CLEC2L: variants seen among roughly 807,000 people sequenced by gnomAD.
CLEC2L encodes the protein C-type lectin domain family 2 member L.
CLEC2L carries 14 observed loss-of-function variants against 23.6 expected under a neutral mutation model. That is an observed-to-expected ratio of 0.59 (90% CI 0.39 to 0.93). The LOEUF is 0.93. CLEC2L is among the 40% of genes least tolerant of loss of function. CLEC2L has a pLI of 0.00. For missense variants in CLEC2L, 264 were observed against 282.4 expected, an observed-to-expected ratio of 0.93 and a Z score of 0.47; for synonymous variants, 114 against 121.3, an observed-to-expected ratio of 0.94 and a Z score of 0.40.
chr7:139,542,976 G>T (rs1410913189), intron 4 of CLEC2L, among the ~76,000 whole-genome samples: 4 of 152,128 alleles, frequency 2.6e-5, no homozygotes, highest in Non-Finnish European at 5.9e-5. Flanking sequence ...GGAGGGCATG[G>T]GGTGGGGTGG....
chr7:139,542,067 G>A lies in CLEC2L; in HGVS notation c.479G>A (p.Arg160His), dbSNP rs766831853. The stretch of plus-strand genomic sequence containing the variant: ...CGGAGGGAGCCCTGGATTGGACTAC[G>A]CAGAGTTGGGGACGAATTCCACTGG... Reference protein sequence around the residue: ...FTRREPWIGLRRVGDEFHWVN... With the variant: ...FTRREPWIGLHRVGDEFHWVN... Residue 160 changes from arginine to histidine, a missense_variant, in exon 4 of 5, where the codon CGC becomes CAC. Coordinates refer to ENST00000422142, the MANE Select transcript of CLEC2L (RefSeq NM_001080511.4). 1.9e-6 allele frequency: 3 copies of A among 1,613,074 alleles called. No homozygotes were observed. The highest frequency in any genetic ancestry group is 1.7e-4 in the Middle Eastern group (1 of 6,060).
chr7:139,527,580 AG>A (rs1797522726), intron 1 of CLEC2L, among the ~76,000 whole-genome samples: 1 of 152,158 alleles, frequency 6.6e-6, no homozygotes, highest in Non-Finnish European at 1.5e-5. Context: ...CTGGGGTATA[AG>A]GCTAGAAAAG....
At chr7:139,544,132 G>A (rs1797774711) in intron 4 of CLEC2L, 99 bp from the exon 5 acceptor site, 1 of 775,662 alleles carries the variant, frequency 1.3e-6, no homozygotes. Context: ...ATGAAGTGAG[G>A]GAGGGATAGG....
intron 2 of CLEC2L, among the ~76,000 whole-genome samples, chr7:139,537,372 C>G (rs1797674315): frequency 6.6e-6 from 1 of 150,426 alleles, no homozygotes; most frequent in Non-Finnish European, 1.5e-5. Context: ...ATAAGTGAAA[C>G]TCAAAGAAGA....
chr7:139,538,108 A>G (rs1350383484), intron 2 of CLEC2L, among the ~76,000 whole-genome samples: 1 of 152,184 alleles, frequency 6.6e-6, no homozygotes, highest in Admixed American at 6.5e-5. Context: ...TAGGGCTTGT[A>G]TGACAAGGAG....
chr7:139,540,112 T>C lies in CLEC2L; in HGVS notation c.266-209T>C. On this transcript the variant is annotated intron_variant, in intron 2 of 4. Transcript: ENST00000422142. The surrounding 1 kb of genome is among the most constrained non-coding windows in gnomAD (Gnocchi z 5.8). ...GGGGCTGCCCTGCTGTCACTTCCCG[T>C]CGTGATGATGCCCCTGCCAGGCTTC... 1.8e-6 allele frequency: 1 copy of C among 557,346 alleles called. No homozygotes were observed. The highest frequency in any genetic ancestry group is 3.2e-6 in the Non-Finnish European group (1 of 312,782). The allele number at this position is 557,346 out of a possible 1,614,324, so 34.5% of individuals were successfully genotyped here.
intron 1 of CLEC2L, among the ~76,000 whole-genome samples, chr7:139,526,887 C>T (rs951584783): frequency 6.6e-6 from 1 of 152,228 alleles, no homozygotes; most frequent in Non-Finnish European, 1.5e-5. Context: ...CCACCCCAAA[C>T]CTGAGTCCAG....
At position 139,544,361 on chromosome 7, in the gene CLEC2L, T is replaced by C. The variant is rs1186600981; in HGVS notation, c.*19T>C. On this transcript the variant is annotated 3_prime_UTR_variant, in exon 5 of 5. Transcript: ENST00000422142. ...TACTTGAGGTGGGTGGGGCCAGAGG[T>C]GGCCCCGCCCCTAGGCCTGTGGGAG... 3 of 1,549,066 alleles carry C rather than the reference T, an allele frequency of 1.9e-6. No homozygotes were observed. Among genetic ancestry groups the C allele is most frequent in the East Asian group, 2.3e-5 (1 of 43,690 alleles).
At chr7:139,534,334 GT>G (rs1797622512) in intron 1 of CLEC2L, 1 of 1,311,464 alleles carries the variant, frequency 7.6e-7, no homozygotes, top group Non-Finnish European at 1.1e-6. Flanking sequence ...CATGGAAGGC[GT>G]TTGTAAAATG....
intron 1 of CLEC2L, among the ~76,000 whole-genome samples, chr7:139,530,877 A>G (rs79489621): frequency 0.011 from 1,725 of 151,814 alleles, 32 homozygotes; most frequent in African/African-American, 0.039. Context: ...CAAGCAACTA[A>G]GCCAACATTT....
Position 139,524,097 on chromosome 7 carries a change from G to C in CLEC2L, c.170G>C (p.Ser57Thr). The change falls in exon 1 of 5, where the codon AGC (serine) becomes ACC (threonine). Residue 57 changes from serine (S) to threonine (T), a missense_variant. Physicochemically the swap from Ser to Thr is moderately conservative, Grantham distance 58. Transcript: ENST00000422142. ...RSGSGYEGST[S>T]WKAALEDTTT... Reference sequence around the variant, plus strand: ...GGGTCGGGCTACGAGGGCAGCACCAGCTGGAAGGCGGCCTTGGAGGGTAAG... The same window carrying C: ...GGGTCGGGCTACGAGGGCAGCACCACCTGGAAGGCGGCCTTGGAGGGTAAG... The C allele has an allele frequency of 8.1e-7, 1 of 1,227,918 alleles. No individual in the cohort carries two copies. The allele number at this position is 1,227,918 out of a possible 1,614,324, so 76.1% of individuals were successfully genotyped here.
intron 1 of CLEC2L, among the ~76,000 whole-genome samples, chr7:139,528,721 A>T (rs970347508): frequency 6.6e-6 from 1 of 152,182 alleles, no homozygotes; most frequent in African/African-American, 2.4e-5. Flanking sequence ...AGAGAATACC[A>T]TGTGATGATA....
chr7:139,544,072 C>T (rs1211053819), intron 4 of CLEC2L, among the ~76,000 whole-genome samples, 159 bp from the exon 5 acceptor site: 1 of 152,204 alleles, frequency 6.6e-6, no homozygotes, highest in African/African-American at 2.4e-5. Flanking sequence ...AATGGGATGC[C>T]AAGCTAGAAC....
intron 1 of CLEC2L, among the ~76,000 whole-genome samples, chr7:139,531,013 A>G (rs1241040489): frequency 6.6e-6 from 1 of 152,088 alleles, no homozygotes; most frequent in Non-Finnish European, 1.5e-5. Context: ...ACATAATGAA[A>G]TTAGCATTCA....
At chr7:139,541,320 C>T (rs1225191686) in intron 3 of CLEC2L, among the ~76,000 whole-genome samples, 1 of 148,392 alleles carries the variant, frequency 6.7e-6, no homozygotes, top group Non-Finnish European at 1.5e-5. Context: ...CAAGACTTGT[C>T]TCTTAAGGAA....
chr7:139,544,529 G>A lies in CLEC2L; in HGVS notation c.*187G>A, dbSNP rs1213180389. On this transcript the variant is annotated 3_prime_UTR_variant, in exon 5 of 5. Transcript: ENST00000422142. ...CCCTGGTTCCTGGCCTCCTTTGTCT[G>A]CAGGCAGGTCGTGTGGCTCAGCAGT... is the stretch of plus-strand genomic sequence containing the variant. 3.4e-6 allele frequency: 2 copies of A among 596,494 alleles called. No individual in the cohort carries two copies. The highest frequency in any genetic ancestry group is 6.0e-6 in the Non-Finnish European group (2 of 335,050). 37.0% of individuals were successfully genotyped at this position (596,494 alleles called of 1,614,324 possible). A position where few individuals can be genotyped will look rare whatever the true frequency, so the allele number is the denominator to read the frequency against.
In CLEC2L at chr7:139,540,281, T is replaced by TG. The variant is rs749041086; in HGVS notation, c.266-33dup. On this transcript the variant is annotated intron_variant, in intron 2 of 4. Coordinates refer to ENST00000422142, the MANE Select transcript of CLEC2L (RefSeq NM_001080511.4). The surrounding 1 kb of genome is among the most constrained non-coding windows in gnomAD (Gnocchi z 5.8). ...ACAGAAAGCAGAGTGGGACTCGGGC[T>TG]GGGGGGGCGGGCAGGGCCGAGCTGG... is the stretch of plus-strand genomic sequence containing the variant. 2.2e-4 allele frequency: 197 copies of TG among 916,130 alleles called. No homozygotes were observed. The highest frequency in any genetic ancestry group is 3.4e-4 in the Admixed American group (12 of 35,340). 56.8% of individuals were successfully genotyped at this position (916,130 alleles called of 1,614,324 possible).
In CLEC2L at chr7:139,534,685, A is replaced by G. The variant is rs535591055; in HGVS notation, c.191-1589A>G. ...TTATACTCTAGCCAAGATTGGCTGT[A>G]TTAGATGAAATGTGAAGTTCTTTTT... On this transcript the variant is annotated intron_variant, in intron 1 of 4. Coordinates refer to ENST00000422142, the MANE Select transcript of CLEC2L (RefSeq NM_001080511.4). The G allele has an allele frequency of 4.2e-5, 18 of 424,994 alleles. No individual in the cohort carries two copies. In the South Asian group the frequency reaches 5.6e-4, roughly 13 times the overall value. The allele number at this position is 424,994 out of a possible 1,614,324, so 26.3% of individuals were successfully genotyped here.
chr7:139,544,298 C>G lies in CLEC2L; in HGVS notation c.601C>G (p.Leu201Val). Residue 201 changes from leucine to valine, a missense_variant, in exon 5 of 5, where the codon CTG becomes GTG. Physicochemically the swap from Leu to Val is conservative, Grantham distance 32 (BLOSUM62 1). Coordinates refer to ENST00000422142, the MANE Select transcript of CLEC2L (RefSeq NM_001080511.4). ...CACCAGGCTGGTGTCGACGGAGTGT[C>G]TGATGACCCGGCCCTGGGTGTGCAG... ...EPTRLVSTEC[L>V]MTRPWVCSKM... 4 of 1,613,462 alleles carry G rather than the reference C, an allele frequency of 2.5e-6. No individual in the cohort carries two copies. Among genetic ancestry groups the G allele is most frequent in the Non-Finnish European group, 3.4e-6 (4 of 1,179,696 alleles).
Sources: gnomAD v4.1 joint callset for allele counts (sites outside exome capture counted in the v4.1 genomes callset) on GRCh38, gnomAD v4.1.1 for gene constraint, Gnocchi (gnomAD v3.1) non-coding constraint, MANE v1.5 for transcripts, NCBI Gene and HGNC (gene_info 2026-07-23, HGNC 2026-07-21) for gene names.